CTNNA2: variants seen among roughly 807,000 people sequenced by gnomAD.
The protein encoded by CTNNA2 is catenin alpha-2.
CTNNA2 carries 42 observed loss-of-function variants against 101.0 expected under a neutral mutation model. The observed-to-expected ratio is 0.42, with a 90% CI of 0.32 to 0.54. The LOEUF (loss-of-function observed/expected upper bound fraction) is 0.54, where lower values mean the gene tolerates loss of function less well. Ranked by LOEUF, CTNNA2 falls within the 20% of genes least tolerant of loss-of-function variation. The probability of loss-of-function intolerance (pLI) is 0.14; values close to 1 mark genes in which losing one functional copy is unlikely to be tolerated. For missense variants in CTNNA2, 871 were observed against 1,223.1 expected, an observed-to-expected ratio of 0.71 and a Z score of 4.29; for synonymous variants, 450 against 456.4, an observed-to-expected ratio of 0.99 and a Z score of 0.18.
intron 7 of CTNNA2, among the ~76,000 whole-genome samples, chr2:80,217,622 C>A (rs2149048107): frequency 6.6e-6 from 1 of 152,132 alleles, no homozygotes; most frequent in East Asian, 1.9e-4. Context: ...TTGTTGTAGG[C>A]ACTATATTAG....
intron 18 of CTNNA2, among the ~76,000 whole-genome samples, chr2:80,645,301 G>C (rs987846942): frequency 1.3e-5 from 2 of 152,122 alleles, no homozygotes; most frequent in African/African-American, 4.8e-5. Flanking sequence ...ATCTGTTCCT[G>C]ATTGTTCCCA....
intron 8 of CTNNA2, 124 bp from the exon 9 acceptor site, chr2:80,419,325 T>G (rs1680307698): frequency 1.3e-6 from 1 of 746,988 alleles, no homozygotes; most frequent in Non-Finnish European, 2.1e-6. Context: ...TGGGAAAATT[T>G]TAAAAAGAAA....
intron 2 of CTNNA2, among the ~76,000 whole-genome samples, chr2:79,690,248 C>T (rs1684199628): frequency 1.3e-5 from 2 of 151,960 alleles, no homozygotes; most frequent in Non-Finnish European, 2.9e-5. Flanking sequence ...AGATGTCTGA[C>T]TTTTCATTAG....
intron 2 of CTNNA2, among the ~76,000 whole-genome samples, chr2:79,228,668 G>C (rs1674452300): frequency 6.7e-6 from 1 of 149,884 alleles, no homozygotes; most frequent in East Asian, 1.9e-4. Context: ...CACATGCATA[G>C]TTTGCAAATA....
At position 79,909,567 on chromosome 2, in the gene CTNNA2, T is replaced by G. The variant is rs184651919; in HGVS notation, c.853-27T>G. 850 of 1,534,376 alleles carry G rather than the reference T, an allele frequency of 5.5e-4. 5 individuals are homozygous for G. The highest frequency in any genetic ancestry group is 3.9e-3 in the East Asian group (168 of 43,288). ...GCAGACCTCTCTTCTCTGCTGATTT[T>G]TGTGTGTGTGTGTGTGATACTTTCA... is the stretch of plus-strand genomic sequence containing the variant. On this transcript the variant is annotated intron_variant, in intron 6 of 18. Transcript: ENST00000402739.
intron 9 of CTNNA2, among the ~76,000 whole-genome samples, chr2:80,450,897 T>C (rs950704568): frequency 6.6e-6 from 1 of 152,184 alleles, no homozygotes; most frequent in Non-Finnish European, 1.5e-5. Flanking sequence ...GAGGAACAAT[T>C]CTATTTCTAT....
At chr2:79,195,884 T>A (rs1439619915) in intron 1 of CTNNA2, 1 of 500,790 alleles carries the variant, frequency 2.0e-6, no homozygotes, top group African/African-American at 1.9e-5. Context: ...AATAAGAAAT[T>A]AGGGGGCAGA....
At chr2:79,546,432 G>C (rs6736183) in intron 1 of CTNNA2, among the ~76,000 whole-genome samples, 7,278 of 152,084 alleles carry the variant, frequency 0.048, 528 homozygotes, top group African/African-American at 0.16. Context: ...CTTTTTAAAA[G>C]TATTTACAAT....
chr2:79,440,367 G>T (rs1678764259), intron 4 of CTNNA2, among the ~76,000 whole-genome samples: 1 of 152,226 alleles, frequency 6.6e-6, no homozygotes, highest in East Asian at 1.9e-4. Context: ...GAACCAATGC[G>T]CTGGAGGGTA....
In CTNNA2 at chr2:79,384,431, T is replaced by A. The variant is rs1239653655; in HGVS notation, c.-135+10418T>A. 2.9e-5 allele frequency among the ~76,000 whole-genome samples: 3 copies of A among 104,876 alleles called. 1 individual carries two copies. The highest frequency in any genetic ancestry group is 7.5e-5 in the African/African-American group (2 of 26,658). The allele number at this position is 104,876 out of a possible 152,430, so 68.8% of individuals were successfully genotyped here. On this transcript the variant is annotated intron_variant, in intron 4 of 21. Coordinates refer to the CTNNA2 transcript ENST00000466387. ...CTCTCTCTCTCTCTCTCTCTCTCTC[T>A]CTCACTTTATTCCAAAGTAAGGCAT...
At chr2:79,771,580 C>A (rs1673583298) in intron 3 of CTNNA2, among the ~76,000 whole-genome samples, 1 of 152,198 alleles carries the variant, frequency 6.6e-6, no homozygotes, top group Non-Finnish European at 1.5e-5. Context: ...TTATTAAATT[C>A]TCATAAGGAT....
At chr2:80,238,783 A>G (rs1709677783) in intron 7 of CTNNA2, among the ~76,000 whole-genome samples, 2 of 152,294 alleles carry the variant, frequency 1.3e-5, no homozygotes, top group Admixed American at 1.3e-4. Context: ...GCTTCCCCAC[A>G]GGACATCAAC....
chr2:80,076,516 C>G (rs1698763031), intron 7 of CTNNA2, among the ~76,000 whole-genome samples: 2 of 151,850 alleles, frequency 1.3e-5, no homozygotes, highest in Admixed American at 1.3e-4. Flanking sequence ...TTCCTGGGCT[C>G]AAGCGATCCT....
At chr2:79,773,464 T>C (rs2105157699) in intron 3 of CTNNA2, among the ~76,000 whole-genome samples, 1 of 152,282 alleles carries the variant, frequency 6.6e-6, no homozygotes, top group South Asian at 2.1e-4. Context: ...GGGAGGGGGC[T>C]TCTAGGTCAC....
intron 18 of CTNNA2, among the ~76,000 whole-genome samples, chr2:80,632,271 C>G (rs1038876433): frequency 6.7e-6 from 1 of 150,346 alleles, no homozygotes; most frequent in South Asian, 2.1e-4. Context: ...TGACCCCCCC[C>G]ACCCCAACAC....
At chr2:79,569,458 G>A (rs1675329927) in intron 1 of CTNNA2, among the ~76,000 whole-genome samples, 1 of 152,164 alleles carries the variant, frequency 6.6e-6, no homozygotes, top group Non-Finnish European at 1.5e-5. Flanking sequence ...ATACTAAACA[G>A]TTTGAGTTTT....
intron 7 of CTNNA2, among the ~76,000 whole-genome samples, chr2:80,069,838 G>A (rs937879149): frequency 9.2e-5 from 14 of 152,098 alleles, no homozygotes; most frequent in Non-Finnish European, 1.9e-4. Context: ...TGTTCCCTTT[G>A]CCTTCAGCAA....
At chr2:79,742,207 T>C (rs1370458569) in intron 2 of CTNNA2, among the ~76,000 whole-genome samples, 1 of 152,324 alleles carries the variant, frequency 6.6e-6, no homozygotes, top group South Asian at 2.1e-4. Context: ...GCTAGAAATG[T>C]GTCGGCCCCT....
intron 7 of CTNNA2, among the ~76,000 whole-genome samples, chr2:80,093,792 A>C (rs1015307739): frequency 6.6e-6 from 1 of 152,062 alleles, no homozygotes; most frequent in African/African-American, 2.4e-5. Context: ...TTTTGGCTGC[A>C]TAAATGTCTT....
Sources: gnomAD v4.1 joint callset for allele counts (sites outside exome capture counted in the v4.1 genomes callset) on GRCh38, gnomAD v4.1.1 for gene constraint, MANE v1.5 for transcripts, NCBI Gene and HGNC (gene_info 2026-07-23, HGNC 2026-07-21) for gene names.